The following IL1RAPL2 variants were observed in gnomAD, a reference collection of about 807,000 sequenced individuals.
IL1RAPL2 encodes the protein X-linked interleukin-1 receptor accessory protein-like 2.
Under a neutral mutation model 44.1 loss-of-function variants are expected in IL1RAPL2, and 3 were observed. That is an observed-to-expected ratio of 0.07 (90% CI 0.03 to 0.18). The LOEUF is 0.18. Among genes scored for constraint, IL1RAPL2 ranks in the 10% least tolerant of loss-of-function variants. The probability of loss-of-function intolerance (pLI) is 1.00; values close to 1 mark genes in which losing one functional copy is unlikely to be tolerated. For missense variants in IL1RAPL2, 391 were observed against 496.4 expected, an observed-to-expected ratio of 0.79 and a Z score of 2.02; for synonymous variants, 181 against 178.8, an observed-to-expected ratio of 1.01 and a Z score of -0.10.
chrX:104,862,347 G>A, intron 2 of IL1RAPL2, among the ~76,000 whole-genome samples: 1 of 109,461 alleles, frequency 9.1e-6, no homozygotes, highest in South Asian at 4.0e-4. Flanking sequence ...TTCATATGTT[G>A]AAGTCCTCAT....
At chrX:104,815,409 T>C (rs1921106139) in intron 2 of IL1RAPL2, among the ~76,000 whole-genome samples, 1 of 111,058 alleles carries the variant, frequency 9.0e-6, no homozygotes, top group African/African-American at 3.3e-5. Context: ...TGGACTGTGG[T>C]ACCCTTCCAT....
intron 2 of IL1RAPL2, among the ~76,000 whole-genome samples, chrX:104,813,209 G>T (rs955322579): frequency 9.0e-6 from 1 of 111,550 alleles, no homozygotes; most frequent in African/African-American, 3.3e-5. Context: ...AGGATGAGTA[G>T]GAGCTAGTCA....
chrX:105,051,744 T>G (rs1168445514), intron 2 of IL1RAPL2, among the ~76,000 whole-genome samples: 1 of 112,761 alleles, frequency 8.9e-6, no homozygotes, highest in East Asian at 2.8e-4. Context: ...GCCGGTGTGA[T>G]GGCAGCAGCC....
intron 2 of IL1RAPL2, among the ~76,000 whole-genome samples, chrX:104,967,995 C>A (rs1297734230): frequency 9.0e-6 from 1 of 111,327 alleles, no homozygotes; most frequent in Admixed American, 9.5e-5. Context: ...ATTTCAAGTT[C>A]ATATAAACTC....
At chrX:105,184,445 C>T (rs1017614979) in intron 2 of IL1RAPL2, among the ~76,000 whole-genome samples, 6 of 98,481 alleles carry the variant, frequency 6.1e-5, no homozygotes, top group African/African-American at 1.8e-4. Context: ...TATATAACAA[C>T]ATAAAATATT....
At chrX:104,992,495 T>C (rs2030679639) in intron 2 of IL1RAPL2, among the ~76,000 whole-genome samples, 2 of 111,168 alleles carry the variant, frequency 1.8e-5, no homozygotes, top group African/African-American at 6.5e-5. Context: ...ATTTCAGACA[T>C]AGCCATAGAT....
intron 1 of IL1RAPL2, among the ~76,000 whole-genome samples, chrX:104,602,658 C>T (rs944827380): frequency 3.9e-4 from 43 of 110,972 alleles, no homozygotes; most frequent in African/African-American, 1.3e-3. Context: ...GAGGGGAGTC[C>T]GCCATTGCTG....
At chrX:105,107,780 G>A (rs2032758291) in intron 2 of IL1RAPL2, among the ~76,000 whole-genome samples, 1 of 111,420 alleles carries the variant, frequency 9.0e-6, no homozygotes, top group East Asian at 2.8e-4. Flanking sequence ...CCATTATCAC[G>A]TCACTGAAAT....
chrX:104,721,844 G>T (rs1348266311), intron 2 of IL1RAPL2, among the ~76,000 whole-genome samples: 2 of 111,279 alleles, frequency 1.8e-5, no homozygotes, highest in Non-Finnish European at 3.8e-5. Context: ...GTCAAAGTCT[G>T]GATTTTCACA....
At chrX:104,905,921 T>A (rs1314548402) in intron 2 of IL1RAPL2, among the ~76,000 whole-genome samples, 2 of 110,619 alleles carry the variant, frequency 1.8e-5, no homozygotes, top group East Asian at 5.7e-4. Flanking sequence ...TGATATTGAT[T>A]CTTCCTACCC....
chrX:105,654,096 G>T (rs2037660887), intron 6 of IL1RAPL2, among the ~76,000 whole-genome samples: 1 of 110,843 alleles, frequency 9.0e-6, no homozygotes, highest in Non-Finnish European at 1.9e-5. Context: ...AATCTCAAAA[G>T]CAAGCCCTGG....
chrX:105,365,771 T>C (rs189888971), intron 5 of IL1RAPL2, among the ~76,000 whole-genome samples: 1 of 110,808 alleles, frequency 9.0e-6, no homozygotes, highest in African/African-American at 3.3e-5. Flanking sequence ...ATTTTGTTTG[T>C]ATTTTCTCTT....
At chrX:105,617,637 A>T (rs2037387112) in intron 6 of IL1RAPL2, among the ~76,000 whole-genome samples, 1 of 111,576 alleles carries the variant, frequency 9.0e-6, no homozygotes, top group Non-Finnish European at 1.9e-5. Context: ...ATTTCACATA[A>T]TTTTTCTGAC....
At chrX:105,765,486 A>G (rs1338385032) in intron 10 of IL1RAPL2, 2 of 112,171 alleles carry the variant, frequency 1.8e-5, no homozygotes, top group African/African-American at 3.2e-5. Flanking sequence ...AAAATTCTTA[A>G]AAGTTCCCTC....
intron 2 of IL1RAPL2, among the ~76,000 whole-genome samples, chrX:104,944,257 G>A (rs191215548): frequency 1.4e-3 from 158 of 111,530 alleles, no homozygotes; most frequent in Non-Finnish European, 2.5e-3. Context: ...TTTCATTTCC[G>A]GATTTTTCTC....
intron 2 of IL1RAPL2, among the ~76,000 whole-genome samples, chrX:104,937,016 C>A (rs940120588): frequency 2.7e-5 from 3 of 111,846 alleles, no homozygotes; most frequent in South Asian, 3.7e-4. Flanking sequence ...AGTGATCTTT[C>A]TTTTCTCCAT....
rs6652920 is a variant in IL1RAPL2 at position 105,328,936 on chromosome X, C to T, written c.697+61395C>T. Among the ~76,000 whole-genome samples the T allele has an allele frequency of 4.4e-3, 494 of 112,114 alleles. 5 individuals are homozygous for T. Among genetic ancestry groups the T allele is most frequent in the African/African-American group, 0.015 (466 of 30,947 alleles). ...GTAAGTACACTATATGTTGTTTACA[C>T]AATGACAGAATTTCCTGACACATTT... On this transcript the variant is annotated intron_variant, in intron 5 of 10. Transcript: ENST00000372582.
chrX:105,031,990 C>T (rs1036887638), intron 2 of IL1RAPL2, among the ~76,000 whole-genome samples: 18 of 111,313 alleles, frequency 1.6e-4, no homozygotes, highest in Non-Finnish European at 2.4e-4. Context: ...TCCATTTCTT[C>T]GAGATTTTCT....
chrX:105,345,746 G>A (rs758477896), intron 5 of IL1RAPL2, among the ~76,000 whole-genome samples: 39 of 111,368 alleles, frequency 3.5e-4, no homozygotes, highest in Non-Finnish European at 6.8e-4. Flanking sequence ...ATATACAACG[G>A]AATGTGTCCT....
Sources: gnomAD v4.1 joint callset for allele counts (sites outside exome capture counted in the v4.1 genomes callset) on GRCh38, gnomAD v4.1.1 for gene constraint, MANE v1.5 for transcripts, NCBI Gene and HGNC (gene_info 2026-07-23, HGNC 2026-07-21) for gene names.